Variants in SIK2 observed in about 807,000 individuals in gnomAD.
The protein encoded by SIK2 is serine/threonine-protein kinase SIK2.
A neutral mutation model predicts 103.2 loss-of-function variants in SIK2; 29 were observed. The ratio of observed to expected loss-of-function variants is 0.28; its 90% CI spans 0.21 to 0.38. The LOEUF is 0.38. SIK2 is among the 10% of genes least tolerant of loss of function. The pLI is 1.00. For synonymous variants in SIK2, 412 were observed against 446.1 expected (o/e 0.92, Z 0.96); for missense variants, 879 against 1,171.0 (o/e 0.75, Z 3.64).
intron 4 of SIK2, among the ~76,000 whole-genome samples, chr11:111,696,242 G>A (rs1023656965): frequency 2.6e-5 from 4 of 152,208 alleles, no homozygotes; most frequent in African/African-American, 7.2e-5. Flanking sequence ...TCCCTGAACT[G>A]AAAAGGAACA....
At chr11:111,604,702 G>T (rs1565301405) in intron 1 of SIK2, among the ~76,000 whole-genome samples, 1 of 152,188 alleles carries the variant, frequency 6.6e-6, no homozygotes, top group Non-Finnish European at 1.5e-5. Flanking sequence ...AATCGTGTGT[G>T]TAGTATATAT....
At chr11:111,663,992 C>T (rs1420760057) in intron 3 of SIK2, among the ~76,000 whole-genome samples, 3 of 152,172 alleles carry the variant, frequency 2.0e-5, no homozygotes, top group African/African-American at 4.8e-5. Flanking sequence ...CATTATGCTA[C>T]ACCCTCCCCC....
At chr11:111,711,420 C>T (rs1943492607) in intron 8 of SIK2, among the ~76,000 whole-genome samples, 1 of 152,212 alleles carries the variant, frequency 6.6e-6, no homozygotes, top group African/African-American at 2.4e-5. Context: ...CGCGCCTGGC[C>T]TTAAATGATT....
intron 3 of SIK2, among the ~76,000 whole-genome samples, chr11:111,643,543 G>C (rs979642103): frequency 6.6e-6 from 1 of 152,148 alleles, no homozygotes; most frequent in Non-Finnish European, 1.5e-5. Context: ...GGGCACGGTG[G>C]CTCACGCCTG....
At chr11:111,692,534 T>C (rs1482291952) in intron 4 of SIK2, among the ~76,000 whole-genome samples, 1 of 151,946 alleles carries the variant, frequency 6.6e-6, no homozygotes, top group Non-Finnish European at 1.5e-5. Flanking sequence ...GTGAGAATGA[T>C]AGGAAAAAAG....
intron 8 of SIK2, among the ~76,000 whole-genome samples, chr11:111,708,526 A>G (rs1291308637): frequency 6.6e-6 from 1 of 152,204 alleles, no homozygotes; most frequent in African/African-American, 2.4e-5. Flanking sequence ...GAGACTATTT[A>G]GAAAAAATAC....
At chr11:111,628,728 C>G (rs1025170597) in intron 3 of SIK2, among the ~76,000 whole-genome samples, 54 of 152,172 alleles carry the variant, frequency 3.5e-4, no homozygotes, top group African/African-American at 1.2e-3. Context: ...AACTGGCCTA[C>G]TTTCATTTAT....
chr11:111,614,999 C>T (rs765891525), intron 1 of SIK2, among the ~76,000 whole-genome samples: 10 of 151,812 alleles, frequency 6.6e-5, no homozygotes, highest in African/African-American at 2.4e-4. Flanking sequence ...ATTAGCCAGA[C>T]GTGGTGGCAC....
chr11:111,671,968 A>G, intron 3 of SIK2: 1 of 508,556 alleles, frequency 2.0e-6, no homozygotes. Flanking sequence ...GCTCTCGAAC[A>G]TCTCATCCAT....
chr11:111,632,919 G>T (rs576940881), intron 3 of SIK2, among the ~76,000 whole-genome samples: 2 of 152,094 alleles, frequency 1.3e-5, no homozygotes, highest in South Asian at 4.2e-4. Context: ...ATGTGGCTTT[G>T]GTCCTGTATT....
At position 111,701,552 on chromosome 11, in the gene SIK2, G is replaced by A. The variant is rs1565370250; in HGVS notation, c.704G>A (p.Arg235Gln). The change falls in exon 6 of 15, where the codon CGG becomes CAG. Residue 235 changes from arginine (R) to glutamine (Q), a missense_variant. By Grantham distance (43) the Arg-to-Gln change is conservative (BLOSUM62 1). Transcript: ENST00000304987. This position sits in a 1 kb window ranked among gnomAD's most constrained non-coding sequence, Gnocchi z 4.2. ...CAGAGGGTTCTGGAAGGAAGATTCC[G>A]GATTCCGTATTTCATGTCAGAAGGT... ...LRQRVLEGRF[R>Q]IPYFMSEDCE... 6.2e-7 allele frequency: 1 copy of A among 1,613,646 alleles called. No individual in the cohort carries two copies. Among genetic ancestry groups the A allele is most frequent in the African/African-American group, 1.3e-5 (1 of 74,996 alleles).
intron 1 of SIK2, among the ~76,000 whole-genome samples, chr11:111,603,851 G>A (rs562238551): frequency 1.3e-5 from 2 of 152,282 alleles, no homozygotes; most frequent in Non-Finnish European, 2.9e-5. Context: ...TGGAGTTTGA[G>A]TGTAGAATAA....
At chr11:111,634,120 A>C (rs565080978) in intron 3 of SIK2, among the ~76,000 whole-genome samples, 1 of 152,108 alleles carries the variant, frequency 6.6e-6, no homozygotes, top group South Asian at 2.1e-4. Context: ...CAGGGTCTTT[A>C]TTTACAGATT....
At chr11:111,723,474 T>C (rs752193882) in intron 14 of SIK2, 22 bp from the exon 15 acceptor site, 2 of 1,559,596 alleles carry the variant, frequency 1.3e-6, no homozygotes, top group African/African-American at 1.4e-5. Flanking sequence ...TAAAATTCTT[T>C]CCTTTGATAT....
At chr11:111,718,763 G>C (rs1943716510) in intron 9 of SIK2, 1 of 152,222 alleles carries the variant, frequency 6.6e-6, no homozygotes, top group South Asian at 2.1e-4. Flanking sequence ...TTTTCCAGGT[G>C]AAAGTACTGC....
intron 3 of SIK2, among the ~76,000 whole-genome samples, chr11:111,674,749 A>T (rs1363094702): frequency 1.4e-5 from 2 of 145,516 alleles, no homozygotes; most frequent in African/African-American, 5.0e-5. Flanking sequence ...TACTGTGATA[A>T]TTTTTTTTTT....
chr11:111,609,043 T>G (rs1941684347), intron 1 of SIK2, among the ~76,000 whole-genome samples: 1 of 152,130 alleles, frequency 6.6e-6, no homozygotes, highest in Non-Finnish European at 1.5e-5. Context: ...CATGTTTACA[T>G]TTTGTTACTT....
At chr11:111,665,083 A>G (rs1942517645) in intron 3 of SIK2, among the ~76,000 whole-genome samples, 1 of 152,182 alleles carries the variant, frequency 6.6e-6, no homozygotes, top group Admixed American at 6.5e-5. Flanking sequence ...GGTTGAAGTA[A>G]GAAAGGAATG....
In SIK2 at chr11:111,723,564, T is replaced by C. The variant is rs1045364725; in HGVS notation, c.2216T>C (p.Ile739Thr). Reference protein sequence around the residue: ...QLQAYFNQMQIAESSYPQPSQ... With the variant: ...QLQAYFNQMQTAESSYPQPSQ... The stretch of plus-strand genomic sequence containing the variant: ...CAGGCCTATTTTAATCAGATGCAGA[T>C]AGCAGAGAGCTCCTACCCACAGCCA... Residue 739 changes from isoleucine (I) to threonine (T), a missense_variant, in exon 15 of 15, where the codon ATA (isoleucine) becomes ACA (threonine). Physicochemically the swap from Ile to Thr is moderately conservative, Grantham distance 89 (BLOSUM62 -1). Coordinates refer to ENST00000304987, the MANE Select transcript of SIK2 (RefSeq NM_015191.3). 6.8e-6 allele frequency: 11 copies of C among 1,614,200 alleles called. No homozygotes were observed. Among genetic ancestry groups the C allele is most frequent in the Admixed American group, 3.3e-5 (2 of 60,030 alleles).
Sources: allele counts gnomAD v4.1 joint callset (sites outside exome capture counted in the v4.1 genomes callset), GRCh38; gene constraint gnomAD v4.1.1; non-coding constraint Gnocchi (gnomAD v3.1); transcripts MANE v1.5; gene names NCBI Gene and HGNC (gene_info 2026-07-23, HGNC 2026-07-21).